SMIM36: variants seen among roughly 807,000 people sequenced by gnomAD.
SMIM36 encodes small integral membrane protein 36.
chr17:55,503,955 A>G (rs1468827992), intron 1 of SMIM36, among the ~76,000 whole-genome samples: 2 of 114,940 alleles, frequency 1.7e-5, no homozygotes, highest in Admixed American at 1.7e-4. Context: ...CTTTAAACCA[A>G]CAAAGATCAA....
intron 4 of SMIM36, among the ~76,000 whole-genome samples, chr17:55,458,021 AGT>A (rs1488513550): frequency 6.6e-6 from 1 of 152,060 alleles, no homozygotes; most frequent in Non-Finnish European, 1.5e-5. Context: ...CCGCTTTTAG[AGT>A]GTGTCTTTTC....
intron 4 of SMIM36, among the ~76,000 whole-genome samples, chr17:55,452,572 T>A (rs1908939719): frequency 6.6e-6 from 1 of 152,178 alleles, no homozygotes; most frequent in African/African-American, 2.4e-5. Flanking sequence ...AATCAAGAGC[T>A]TGCCATGAAC....
chr17:55,487,428 A>G (rs1909627123), intron 1 of SMIM36, among the ~76,000 whole-genome samples: 1 of 152,170 alleles, frequency 6.6e-6, no homozygotes, highest in Non-Finnish European at 1.5e-5. Flanking sequence ...AGGGTTTCCT[A>G]ATCCAGAGTG....
chr17:55,505,780 C>G (rs944031615), intron 1 of SMIM36, among the ~76,000 whole-genome samples: 1 of 120,572 alleles, frequency 8.3e-6, no homozygotes, highest in African/African-American at 4.0e-5. Context: ...AAGAGCAAGT[C>G]AAATTGTTCC....
intron 4 of SMIM36, among the ~76,000 whole-genome samples, chr17:55,464,023 G>A (rs1311789024): frequency 6.6e-6 from 1 of 152,016 alleles, no homozygotes; most frequent in Non-Finnish European, 1.5e-5. Flanking sequence ...GCTGAGGCAT[G>A]AGAATTGCCT....
the SMIM36 span, among the ~76,000 whole-genome samples, chr17:55,519,320 A>C: frequency 1.3e-5 from 2 of 152,150 alleles, no homozygotes; most frequent in Non-Finnish European, 2.9e-5. Context: ...ACTACACCAA[A>C]ACCTGTACAC....
At chr17:55,511,849 A>G (rs543734387), upstream of SMIM36, among the ~76,000 whole-genome samples, 1 of 152,344 alleles carries the variant, frequency 6.6e-6, no homozygotes, top group South Asian at 2.1e-4. Context: ...AGAAGAAGAT[A>G]CTAGTGCCTG....
At chr17:55,502,030 G>A (rs1271459893) in intron 1 of SMIM36, among the ~76,000 whole-genome samples, 104 of 152,006 alleles carry the variant, frequency 6.8e-4, no homozygotes, top group African/African-American at 2.5e-3. Context: ...TTAAAAAACG[G>A]CGCACCACGA....
At chr17:55,463,221 T>A (rs1417293548) in intron 4 of SMIM36, among the ~76,000 whole-genome samples, 1 of 152,078 alleles carries the variant, frequency 6.6e-6, no homozygotes, top group Non-Finnish European at 1.5e-5. Context: ...TGATAAAGCT[T>A]AATTTATAAA....
At chr17:55,513,348 A>G (rs1370040144), upstream of SMIM36, among the ~76,000 whole-genome samples, 1 of 152,210 alleles carries the variant, frequency 6.6e-6, no homozygotes, top group Non-Finnish European at 1.5e-5. Context: ...TTCAACACAG[A>G]ATTCAACACT....
chr17:55,518,662 T>C, the SMIM36 span, among the ~76,000 whole-genome samples: 3 of 151,922 alleles, frequency 2.0e-5, no homozygotes, highest in East Asian at 3.9e-4. Context: ...TGAAGAGAAA[T>C]GGGAAATAGC....
intron 1 of SMIM36, among the ~76,000 whole-genome samples, chr17:55,482,450 G>C (rs1349612070): frequency 1.3e-5 from 2 of 152,074 alleles, no homozygotes. Flanking sequence ...GCTTCCACAG[G>C]CTGTTACCAA....
intron 1 of SMIM36, among the ~76,000 whole-genome samples, chr17:55,486,302 G>C (rs1216251721): frequency 6.6e-6 from 1 of 152,164 alleles, no homozygotes; most frequent in African/African-American, 2.4e-5. Flanking sequence ...CTCCCAGAGT[G>C]CTAGGATTAC....
At chr17:55,473,365 G>A (rs1172076443) in intron 3 of SMIM36, among the ~76,000 whole-genome samples, 1 of 152,130 alleles carries the variant, frequency 6.6e-6, no homozygotes, top group Non-Finnish European at 1.5e-5. Flanking sequence ...ATATCTGCTT[G>A]TTTGGATCGA....
chr17:55,467,926 C>T (rs899341776), intron 3 of SMIM36: 1 of 152,172 alleles, frequency 6.6e-6, no homozygotes, highest in Non-Finnish European at 1.5e-5. Flanking sequence ...ATCAATTGAC[C>T]TTGTGACACT....
chr17:55,453,602 G>A (rs1908964096), intron 4 of SMIM36, among the ~76,000 whole-genome samples: 1 of 152,146 alleles, frequency 6.6e-6, no homozygotes, highest in South Asian at 2.1e-4. Context: ...TATCATTGGT[G>A]TACATAGAGT....
chr17:55,508,160 C>T (rs989591761), intron 1 of SMIM36, among the ~76,000 whole-genome samples: 3 of 151,950 alleles, frequency 2.0e-5, no homozygotes, highest in African/African-American at 7.3e-5. Flanking sequence ...ATGAAAAGAG[C>T]AGAGTTGAGT....
chr17:55,477,222 A>T (rs1909440411), intron 3 of SMIM36: 1 of 152,268 alleles, frequency 6.6e-6, no homozygotes, highest in Non-Finnish European at 1.5e-5. Flanking sequence ...GTGGCTTCAA[A>T]CAACAGAAAT....
At chr17:55,508,453 TATATATATATATATATG>T (rs1910122312) in intron 1 of SMIM36, among the ~76,000 whole-genome samples, 1 of 135,660 alleles carries the variant, frequency 7.4e-6, no homozygotes, top group African/African-American at 3.2e-5. Flanking sequence ...TATATATATA[TATATATATATATATATG>T]AACCTGCCCT....
Sources: allele counts gnomAD v4.1 joint callset (sites outside exome capture counted in the v4.1 genomes callset), GRCh38; gene constraint gnomAD v4.1.1; transcripts MANE v1.5; gene names NCBI Gene and HGNC (gene_info 2026-07-23, HGNC 2026-07-21).